The following PDE1C variants were observed in gnomAD, a reference collection of about 807,000 sequenced individuals.
PDE1C encodes the protein phosphodiesterase 1C, also known as dual specificity calcium/calmodulin-dependent 3',5'-cyclic nucleotide phosphodiesterase 1C.
A neutral mutation model predicts 93.1 loss-of-function variants in PDE1C; 62 were observed. That is an observed-to-expected ratio of 0.67 (90% CI 0.54 to 0.82). The LOEUF is 0.82. Among genes scored for constraint, PDE1C ranks in the 40% least tolerant of loss-of-function variants. PDE1C has a pLI of 0.00. For missense variants in PDE1C, 742 were observed against 884.6 expected (o/e 0.84, Z 2.04); for synonymous variants, 325 against 310.1 (o/e 1.05, Z -0.50).
intron 6 of PDE1C, among the ~76,000 whole-genome samples, chr7:31,871,213 T>C (rs1471545236): frequency 6.6e-6 from 1 of 151,910 alleles, no homozygotes; most frequent in Non-Finnish European, 1.5e-5. Flanking sequence ...TCTCATCATA[T>C]ACAAAAATCA....
intron 2 of PDE1C, among the ~76,000 whole-genome samples, chr7:32,203,522 C>G (rs1805180752): frequency 6.6e-6 from 1 of 152,160 alleles, no homozygotes; most frequent in African/African-American, 2.4e-5. Flanking sequence ...AAGGGCCGCC[C>G]CTTGCTTCAC....
intron 16 of PDE1C, among the ~76,000 whole-genome samples, chr7:31,776,759 C>G (rs1783005604): frequency 6.6e-6 from 1 of 151,992 alleles, no homozygotes. Flanking sequence ...ATTCTAGCAA[C>G]ACGGCAGATG....
At chr7:31,691,835 C>T in the PDE1C span, among the ~76,000 whole-genome samples, 2 of 118,080 alleles carry the variant, frequency 1.7e-5, no homozygotes, top group Non-Finnish European at 3.9e-5. Flanking sequence ...AAGCAAAAAA[C>T]CCACAACAGA....
intron 2 of PDE1C, among the ~76,000 whole-genome samples, chr7:31,950,733 C>T (rs2129014124): frequency 6.6e-6 from 1 of 152,192 alleles, no homozygotes; most frequent in South Asian, 2.1e-4. Flanking sequence ...TCTCACAAGA[C>T]CAATCCACAG....
intron 5 of PDE1C, among the ~76,000 whole-genome samples, chr7:31,876,107 CAA>C (rs1466591417): frequency 2.6e-5 from 4 of 151,704 alleles, no homozygotes; most frequent in African/African-American, 7.3e-5. Context: ...AAGAAAGAAA[CAA>C]AAGAGTCTAT....
chr7:31,927,081 G>T (rs1803490219), intron 2 of PDE1C, among the ~76,000 whole-genome samples: 1 of 152,190 alleles, frequency 6.6e-6, no homozygotes, highest in Non-Finnish European at 1.5e-5. Context: ...CTCACTGCCA[G>T]CACAGCAATC....
At chr7:32,340,263 T>G (rs143108018) in intron 1 of PDE1C, among the ~76,000 whole-genome samples, 1 of 152,084 alleles carries the variant, frequency 6.6e-6, no homozygotes, top group Non-Finnish European at 1.5e-5. Context: ...GCTAAAAAGG[T>G]CAAGGAAATA....
chr7:32,095,038 T>C (rs1797676973), intron 3 of PDE1C, among the ~76,000 whole-genome samples: 1 of 152,246 alleles, frequency 6.6e-6, no homozygotes, highest in Non-Finnish European at 1.5e-5. Flanking sequence ...TAATTTATGG[T>C]CCTTATTTCT....
intron 1 of PDE1C, among the ~76,000 whole-genome samples, chr7:32,216,283 T>G (rs1806428314): frequency 6.6e-6 from 1 of 152,080 alleles, no homozygotes; most frequent in Non-Finnish European, 1.5e-5. Context: ...AACTGCCCCC[T>G]TCCTCTAGTC....
intron 2 of PDE1C, among the ~76,000 whole-genome samples, chr7:31,986,047 T>C (rs763901417): frequency 2.6e-5 from 4 of 152,168 alleles, no homozygotes; most frequent in East Asian, 1.9e-4. Context: ...TTAAGAGTGA[T>C]TGAATTATTT....
At chr7:32,152,787 C>T (rs767850207) in intron 3 of PDE1C, among the ~76,000 whole-genome samples, 13 of 152,102 alleles carry the variant, frequency 8.5e-5, no homozygotes, top group Non-Finnish European at 1.0e-4. Context: ...CACATACATG[C>T]TACGTGGCAA....
intron 3 of PDE1C, among the ~76,000 whole-genome samples, chr7:32,102,225 G>A (rs1385935839): frequency 1.3e-5 from 2 of 152,126 alleles, no homozygotes; most frequent in African/African-American, 2.4e-5. Context: ...CGTCTTGTTT[G>A]TTCCCTCAAA....
intron 2 of PDE1C, among the ~76,000 whole-genome samples, chr7:31,962,611 G>T (rs183449741): frequency 5.9e-5 from 9 of 152,308 alleles, no homozygotes; most frequent in East Asian, 3.9e-4. Context: ...TCTAGAGAAG[G>T]CTTCAGCAGG....
the PDE1C span, among the ~76,000 whole-genome samples, chr7:31,695,173 C>A: frequency 6.6e-6 from 1 of 152,174 alleles, no homozygotes; most frequent in Non-Finnish European, 1.5e-5. Flanking sequence ...TTAACTCAAA[C>A]CCACTCTGTG....
intron 3 of PDE1C, among the ~76,000 whole-genome samples, chr7:32,128,884 C>A (rs1799736167): frequency 8.4e-6 from 1 of 118,620 alleles, no homozygotes; most frequent in Non-Finnish European, 1.7e-5. Context: ...TGCACATGTA[C>A]CCTAGAACTT....
intron 8 of PDE1C, among the ~76,000 whole-genome samples, chr7:31,848,405 G>A (rs1792895625): frequency 6.6e-6 from 1 of 151,860 alleles, no homozygotes; most frequent in Admixed American, 6.6e-5. Flanking sequence ...TAAAAATATG[G>A]GTCATGTCAA....
At chr7:32,115,182 C>T (rs1798917738) in intron 3 of PDE1C, among the ~76,000 whole-genome samples, 1 of 152,078 alleles carries the variant, frequency 6.6e-6, no homozygotes, top group Non-Finnish European at 1.5e-5. Flanking sequence ...TATTGCAGCA[C>T]TATTTACAAT....
intron 2 of PDE1C, 39 bp downstream of exon 2, chr7:32,051,515 A>C: frequency 6.2e-7 from 1 of 1,607,248 alleles, no homozygotes; most frequent in Non-Finnish European, 8.5e-7. Context: ...CTGGGCCACA[A>C]ATGAATCAAC....
the PDE1C span, among the ~76,000 whole-genome samples, chr7:31,741,120 G>A: frequency 6.6e-6 from 1 of 151,062 alleles, no homozygotes; most frequent in African/African-American, 2.4e-5. Flanking sequence ...TTTGTTTAAC[G>A]ATATTTATAA....
Sources: allele counts gnomAD v4.1 joint callset (sites outside exome capture counted in the v4.1 genomes callset), GRCh38; gene constraint gnomAD v4.1.1; transcripts MANE v1.5; gene names NCBI Gene and HGNC (gene_info 2026-07-23, HGNC 2026-07-21).